The following CYCS variants were observed in gnomAD, a reference collection of about 807,000 sequenced individuals.
CYCS encodes cytochrome c.
For missense variants in CYCS, 87 were observed against 125.3 expected (o/e 0.69, Z 1.46); for synonymous variants, 41 against 43.0 (o/e 0.95, Z 0.18).
At position 25,119,280 on chromosome 7, in the gene CYCS, CTT is replaced by C. The variant is rs1321789039; in HGVS notation, c.*4419_*4420del. ...ATGAATATTTTCCATTCTAAGGAAA[CTT>C]TTTTTCTTTTTGAGACGGAGTTTCA... On this transcript the variant is annotated 3_prime_UTR_variant, in exon 3 of 3. Transcript: ENST00000305786. Among the ~76,000 whole-genome samples, 5 of 152,122 alleles carry C rather than the reference CTT, an allele frequency of 3.3e-5. No homozygotes were observed. Among genetic ancestry groups the C allele is most frequent in the East Asian group, 1.9e-4 (1 of 5,192 alleles).
In CYCS at chr7:25,119,185, G is replaced by A. The variant is rs138140882; in HGVS notation, c.*4516C>T. Among the ~76,000 whole-genome samples the A allele has an allele frequency of 1.3e-3, 191 of 152,254 alleles. 3 individuals carry two copies. The East Asian group carries it at 0.026, about 21-fold the overall frequency. The stretch of plus-strand genomic sequence containing the variant: ...ATATGCCTTGCATTACATAGCTCTC[G>A]CCCCCAACTTGGCAACATCTTATTG... On this transcript the variant is annotated 3_prime_UTR_variant, in exon 3 of 3. Transcript: ENST00000305786.
chr7:25,123,977 G>A lies in CYCS; in HGVS notation c.143C>T (p.Ser48Phe), dbSNP rs774382732. Residue 48 changes from serine (S) to phenylalanine (F), a missense_variant, in exon 2 of 3, where the codon TCT (serine) becomes TTT (phenylalanine). Physicochemically the swap from Ser to Phe is radical, Grantham distance 155. Coordinates refer to ENST00000305786, the MANE Select transcript of CYCS (RefSeq NM_018947.6). The part of the protein sequence containing the change: ...GRKTGQAPGY[S>F]YTAANKNKGI... ...TTTGTTCTTATTGGCGGCTGTGTAA[G>A]AGTATCCAGGGGCCTGACCTGTCTT... 42 of 1,614,170 alleles carry A rather than the reference G, an allele frequency of 2.6e-5. No individual in the cohort carries two copies. The South Asian group carries it at 4.5e-4, about 17-fold the overall frequency.
rs1051027588 is a variant in CYCS, at chr7:25,122,903, TTACTTTAATCC to T, written c.*787_*797del. On this transcript the variant is annotated 3_prime_UTR_variant, in exon 3 of 3. Coordinates refer to ENST00000305786, the MANE Select transcript of CYCS (RefSeq NM_018947.6). ...ATTTTAAAATTTGTGTATATCTCCG[TTACTTTAATCC>T]TTTTAAGTTGGCAAAAGCACCATTC... is the stretch of plus-strand genomic sequence containing the variant. 6 of 152,388 alleles carry T rather than the reference TTACTTTAATCC, an allele frequency of 3.9e-5. No homozygotes were observed. The highest frequency in any genetic ancestry group is 1.3e-4 in the Admixed American group (2 of 15,310). The allele number at this position is 152,388 out of a possible 1,614,324, so 9.4% of individuals were successfully genotyped here. A position where few individuals can be genotyped will look rare whatever the true frequency, so the allele number is the denominator to read the frequency against.
rs1251780512 is a variant in CYCS at position 25,124,033 on chromosome 7, A to T, written c.87T>A (p.Thr29=). ...HTVEKGGKHK[T]GPNLHGLFGR... Reference sequence around the variant, plus strand: ...CAAAGAGACCATGGAGATTTGGCCCAGTCTTGTGCTTGCCTCCCTTTTCAA... The same window carrying T: ...CAAAGAGACCATGGAGATTTGGCCCTGTCTTGTGCTTGCCTCCCTTTTCAA... The change falls in exon 2 of 3, where the codon ACT becomes ACA. Residue 29 remains threonine (T), a synonymous_variant. Coordinates refer to ENST00000305786, the MANE Select transcript of CYCS (RefSeq NM_018947.6). The T allele has an allele frequency of 6.2e-7, 1 of 1,614,154 alleles. No individual in the cohort carries two copies. Among genetic ancestry groups the T allele is most frequent in the Middle Eastern group, 1.6e-4 (1 of 6,062 alleles).
At chr7:25,123,872 G>A (rs2128577558) in intron 2 of CYCS, 23 bp from the exon 3 acceptor site, 1 of 1,614,124 alleles carries the variant, frequency 6.2e-7, no homozygotes, top group Non-Finnish European at 8.5e-7. Context: ...GAATGCATCG[G>A]TTATTTCACA....
rs867544338 is a variant in CYCS at position 25,119,591 on chromosome 7, T to A, written c.*4110A>T. On this transcript the variant is annotated 3_prime_UTR_variant, in exon 3 of 3. Transcript: ENST00000305786. ...GCACCCAGACCACTTTTTTTTTTTT[T>A]AAAAGAGATGGAGTTTCCTTTATCT... is the stretch of plus-strand genomic sequence containing the variant. Among the ~76,000 whole-genome samples, 23 of 150,318 alleles carry A rather than the reference T, an allele frequency of 1.5e-4. No homozygotes were observed. Among genetic ancestry groups the A allele is most frequent in the Non-Finnish European group, 2.8e-4 (19 of 67,536 alleles).
At chr7:25,124,273 T>C in intron 1 of CYCS, 146 bp from the exon 2 acceptor site, 1 of 709,910 alleles carries the variant, frequency 1.4e-6, no homozygotes, top group Non-Finnish European at 2.4e-6. Context: ...GCTTTAATAC[T>C]CTTTATACCA....
Position 25,125,259 on chromosome 7 carries a change from C to G in CYCS, c.-68G>C, listed in dbSNP as rs113501784. On this transcript the variant is annotated 5_prime_UTR_variant, in exon 1 of 3. Coordinates refer to ENST00000305786, the MANE Select transcript of CYCS (RefSeq NM_018947.6). ...CTCCGAAGCCGGACGTCCCCACTCTCTAAGTCCAAGGACACGCCGGTCCGC... is the reference window on the plus strand; with the variant it reads ...CTCCGAAGCCGGACGTCCCCACTCTGTAAGTCCAAGGACACGCCGGTCCGC... The G allele has an allele frequency of 3.9e-5, 6 of 152,890 alleles. No individual in the cohort carries two copies. The East Asian group carries it at 9.6e-4, about 25-fold the overall frequency. The allele number at this position is 152,890 out of a possible 1,614,324, so 9.5% of individuals were successfully genotyped here.
At chr7:25,124,533 C>G (rs930964000) in intron 1 of CYCS, among the ~76,000 whole-genome samples, 1 of 152,234 alleles carries the variant, frequency 6.6e-6, no homozygotes, top group African/African-American at 2.4e-5. Flanking sequence ...GTAAAGCCAC[C>G]TCTCCCTGAG....
rs1187732367 is a variant in CYCS, at chr7:25,123,862, G to A, written c.170-13C>T. The A allele has an allele frequency of 2.5e-6, 4 of 1,614,144 alleles. No homozygotes were observed. Among genetic ancestry groups the A allele is most frequent in the Non-Finnish European group, 3.4e-6 (4 of 1,180,012 alleles). On this transcript the variant is annotated splice_polypyrimidine_tract_variant and intron_variant, in intron 2 of 2. Transcript: ENST00000305786. The stretch of plus-strand genomic sequence containing the variant: ...CCCCAGATGATGCCTAAACAAGAAA[G>A]AATGCATCGGTTATTTCACACTCCT...
rs1222852401 is a variant in CYCS, at chr7:25,120,421, T to C, written c.*3280A>G. The C allele has an allele frequency of 6.6e-6, 1 of 152,198 alleles. No individual in the cohort carries two copies. The highest frequency in any genetic ancestry group is 6.5e-5 in the Admixed American group (1 of 15,280). The allele number at this position is 152,198 out of a possible 1,614,324, so 9.4% of individuals were successfully genotyped here. On this transcript the variant is annotated 3_prime_UTR_variant, in exon 3 of 3. Coordinates refer to ENST00000305786, the MANE Select transcript of CYCS (RefSeq NM_018947.6). Reference sequence around the variant, plus strand: ...TTAATAGAGTAAAGAGAAAGTACTTTTGTTACAGACCACTGGTTCTAGTCC... The same window carrying C: ...TTAATAGAGTAAAGAGAAAGTACTTCTGTTACAGACCACTGGTTCTAGTCC...
chr7:25,119,815 T>C lies in CYCS; in HGVS notation c.*3886A>G, dbSNP rs1333460673. Among the ~76,000 whole-genome samples the C allele has an allele frequency of 2.0e-5, 3 of 152,186 alleles. No homozygotes were observed. Among genetic ancestry groups the C allele is most frequent in the East Asian group, 1.9e-4 (1 of 5,200 alleles). On this transcript the variant is annotated 3_prime_UTR_variant, in exon 3 of 3. Transcript: ENST00000305786. Reference sequence around the variant, plus strand: ...AGTCAGTCAACTGTCCTTGGTAAGATCTCCTTCTTGACAGCCATGTGGATT... The same window carrying C: ...AGTCAGTCAACTGTCCTTGGTAAGACCTCCTTCTTGACAGCCATGTGGATT...
Position 25,119,758 on chromosome 7 carries a change from C to T in CYCS, c.*3943G>A, listed in dbSNP as rs746018537. 6.6e-6 allele frequency among the ~76,000 whole-genome samples: 1 copy of T among 152,146 alleles called. No homozygotes were observed. Among genetic ancestry groups the T allele is most frequent in the Non-Finnish European group, 1.5e-5 (1 of 68,026 alleles). ...CCCAGTTATCTAGTTTACTCTTACC[C>T]AAGTATAAATGATATGAAACAATCT... On this transcript the variant is annotated 3_prime_UTR_variant, in exon 3 of 3. Transcript: ENST00000305786.
chr7:25,124,340 G>A (rs1174896149), intron 1 of CYCS, among the ~76,000 whole-genome samples: 2 of 151,954 alleles, frequency 1.3e-5, no homozygotes, highest in South Asian at 2.1e-4. Flanking sequence ...ACGTATTTTT[G>A]TGTGTATACG....
At chr7:25,123,921 GTGT>G (rs1207821564) in intron 2 of CYCS, 27 bp downstream of exon 2, 1 of 1,614,046 alleles carries the variant, frequency 6.2e-7, no homozygotes, top group Non-Finnish European at 8.5e-7. Flanking sequence ...CCTGCATTTT[GTGT>G]TGTTTTATTT....
chr7:25,119,578 C>T lies in CYCS; in HGVS notation c.*4123G>A, dbSNP rs1185652816. Among the ~76,000 whole-genome samples, 6 of 141,004 alleles carry T rather than the reference C, an allele frequency of 4.3e-5. 1 individual carries two copies. In the East Asian group the frequency reaches 1.0e-3, roughly 24 times the overall value. The allele number at this position is 141,004 out of a possible 152,430, so 92.5% of individuals were successfully genotyped here. A position where few individuals can be genotyped will look rare whatever the true frequency, so the allele number is the denominator to read the frequency against. On this transcript the variant is annotated 3_prime_UTR_variant, in exon 3 of 3. Coordinates refer to ENST00000305786, the MANE Select transcript of CYCS (RefSeq NM_018947.6). Reference sequence around the variant, plus strand: ...GGCATGACCTACTGCACCCAGACCACTTTTTTTTTTTTTAAAAGAGATGGA... The same window carrying T: ...GGCATGACCTACTGCACCCAGACCATTTTTTTTTTTTTTAAAAGAGATGGA...
In CYCS at chr7:25,122,178, A is replaced by G. The variant is rs546418548; in HGVS notation, c.*1523T>C. 1 of 152,314 alleles carries G rather than the reference A, an allele frequency of 6.6e-6. No homozygotes were observed. Among genetic ancestry groups the G allele is most frequent in the African/African-American group, 2.4e-5 (1 of 41,560 alleles). The allele number at this position is 152,314 out of a possible 1,614,324, so 9.4% of individuals were successfully genotyped here. A position where few individuals can be genotyped will look rare whatever the true frequency, so the allele number is the denominator to read the frequency against. On this transcript the variant is annotated 3_prime_UTR_variant, in exon 3 of 3. Transcript: ENST00000305786. ...GCTACAAGGCCTTTCAAAGTCTGAAATCTTTAAAGGATTTCCAGGATGCAT... is the reference window on the plus strand; with the variant it reads ...GCTACAAGGCCTTTCAAAGTCTGAAGTCTTTAAAGGATTTCCAGGATGCAT...
rs1310556431 is a variant in CYCS, at chr7:25,119,086, C to A, written c.*4615G>T. Among the ~76,000 whole-genome samples, 1 of 152,128 alleles carries A rather than the reference C, an allele frequency of 6.6e-6. No individual in the cohort carries two copies. Among genetic ancestry groups the A allele is most frequent in the Non-Finnish European group, 1.5e-5 (1 of 68,028 alleles). ...GCCAAAGCAGCAGCTCAGTATGTACCCCGACAGTGCCTAGAAGAGACTTAT... is the reference window on the plus strand; with the variant it reads ...GCCAAAGCAGCAGCTCAGTATGTACACCGACAGTGCCTAGAAGAGACTTAT... On this transcript the variant is annotated 3_prime_UTR_variant, in exon 3 of 3. Transcript: ENST00000305786.
In CYCS at chr7:25,119,042, C is replaced by G. The variant is rs1029594024; in HGVS notation, c.*4659G>C. Among the ~76,000 whole-genome samples the G allele has an allele frequency of 1.3e-5, 2 of 152,172 alleles. No homozygotes were observed. Among genetic ancestry groups the G allele is most frequent in the Admixed American group, 1.3e-4 (2 of 15,268 alleles). ...TATGAACACCAGGACAATGGTTATT[C>G]TGAGGCACAGAAAATACAGCCAAAG... On this transcript the variant is annotated 3_prime_UTR_variant, in exon 3 of 3. Coordinates refer to ENST00000305786, the MANE Select transcript of CYCS (RefSeq NM_018947.6).
Sources: allele counts gnomAD v4.1 joint callset (sites outside exome capture counted in the v4.1 genomes callset), GRCh38; gene constraint gnomAD v4.1.1; transcripts MANE v1.5; gene names NCBI Gene and HGNC (gene_info 2026-07-23, HGNC 2026-07-21).